The following FBN2 variants were observed in gnomAD, a reference collection of about 807,000 sequenced individuals.
FBN2 encodes the protein fibrillin 2, also known as fibrillin-2.
In FBN2, 105 loss-of-function variants were observed where a neutral mutation model predicts 355.6. The ratio of observed to expected loss-of-function variants is 0.30; its 90% CI spans 0.25 to 0.35. FBN2 has a LOEUF of 0.35. Ranked by LOEUF, FBN2 falls within the 10% of genes least tolerant of loss-of-function variation. The pLI, the probability that FBN2 is intolerant of heterozygous loss-of-function variation, is 1.00. For missense variants in FBN2, 3,280 were observed against 3,758.7 expected, an observed-to-expected ratio of 0.87 and a Z score of 3.33; for synonymous variants, 1,350 against 1,301.2, an observed-to-expected ratio of 1.04 and a Z score of -0.81.
At chr5:128,299,604 A>C (rs960073644) in intron 48 of FBN2, among the ~76,000 whole-genome samples, 2 of 151,978 alleles carry the variant, frequency 1.3e-5, no homozygotes, top group Admixed American at 6.6e-5. Flanking sequence ...GTCTGTCACC[A>C]CTTTCTTTGA....
intron 20 of FBN2, among the ~76,000 whole-genome samples, chr5:128,354,083 G>C (rs920363473): frequency 1.3e-5 from 2 of 152,108 alleles, no homozygotes; most frequent in Non-Finnish European, 2.9e-5. Flanking sequence ...AGATAGTCAG[G>C]AATTAGTTAA....
chr5:128,397,919 A>C (rs1209628255), intron 8 of FBN2, among the ~76,000 whole-genome samples: 2 of 152,144 alleles, frequency 1.3e-5, no homozygotes, highest in East Asian at 1.9e-4. Context: ...AGGGTTCCAA[A>C]GAGCCATATG....
intron 4 of FBN2, among the ~76,000 whole-genome samples, chr5:128,520,267 T>C (rs1026621077): frequency 1.1e-4 from 16 of 152,176 alleles, no homozygotes; most frequent in Non-Finnish European, 2.2e-4. Context: ...TCACACTCTC[T>C]AGAATCCTTG....
intron 7 of FBN2, among the ~76,000 whole-genome samples, chr5:128,428,228 C>T (rs1267434069): frequency 2.0e-5 from 3 of 152,144 alleles, no homozygotes; most frequent in Non-Finnish European, 4.4e-5. Flanking sequence ...TATCTTGTTA[C>T]TACCCAGCAG....
At chr5:128,300,983 GT>G in intron 47 of FBN2, 47 bp from the exon 48 acceptor site, 2 of 1,562,954 alleles carry the variant, frequency 1.3e-6, no homozygotes, top group Non-Finnish European at 8.8e-7. Flanking sequence ...TGAGATAATT[GT>G]TACATAGATT....
At position 128,333,013 on chromosome 5, in the gene FBN2, C is replaced by G; in HGVS notation, c.4121G>C (p.Gly1374Ala). Reference sequence around the variant, plus strand: ...GGCATGCATGTCGCAGTTATGAGCACCAATTTCACACTCATCCACATCTGA... The same window carrying G: ...GGCATGCATGTCGCAGTTATGAGCAGCAATTTCACACTCATCCACATCTGA... The part of the protein sequence containing the change: ...GCTDVDECEI[G>A]AHNCDMHASC... Residue 1374 changes from glycine (G) to alanine (A), a missense_variant, in exon 32 of 65, where the codon GGT becomes GCT. By Grantham distance (60) the Gly-to-Ala change is moderately conservative (BLOSUM62 0). Transcript: ENST00000262464. 1 of 1,612,704 alleles carries G rather than the reference C, an allele frequency of 6.2e-7. No individual in the cohort carries two copies. The highest frequency in any genetic ancestry group is 8.5e-7 in the Non-Finnish European group (1 of 1,178,814).
chr5:128,518,663 T>C (rs1463799515), intron 5 of FBN2, among the ~76,000 whole-genome samples: 2 of 152,118 alleles, frequency 1.3e-5, no homozygotes, highest in African/African-American at 4.8e-5. Flanking sequence ...GGAGGAGATG[T>C]TTTCTGTCTC....
chr5:128,349,586 T>C, intron 22 of FBN2, 114 bp from the exon 23 acceptor site: 1 of 1,268,982 alleles, frequency 7.9e-7, no homozygotes. Context: ...TGTGGATTAT[T>C]ACTTGAGTTA....
intron 8 of FBN2, among the ~76,000 whole-genome samples, chr5:128,399,553 T>G (rs1265789207): frequency 1.3e-5 from 2 of 152,112 alleles, no homozygotes; most frequent in Admixed American, 6.6e-5. Flanking sequence ...AGGTTTGAGA[T>G]GCAGGAAGAA....
intron 55 of FBN2, among the ~76,000 whole-genome samples, chr5:128,284,665 C>G (rs945064544): frequency 6.6e-6 from 1 of 152,198 alleles, no homozygotes; most frequent in African/African-American, 2.4e-5. Context: ...AGGCACTACA[C>G]TCGGGCTTTC....
intron 6 of FBN2, among the ~76,000 whole-genome samples, chr5:128,448,850 T>C (rs1455754296): frequency 6.6e-6 from 1 of 152,126 alleles, no homozygotes; most frequent in African/African-American, 2.4e-5. Flanking sequence ...GTCCTCTTAC[T>C]CTAAATTTAA....
chr5:128,319,662 C>T (rs1050280921), intron 34 of FBN2, among the ~76,000 whole-genome samples: 1 of 151,826 alleles, frequency 6.6e-6, no homozygotes, highest in Admixed American at 6.6e-5. Flanking sequence ...ATCCATTGAC[C>T]CCACATTCTA....
At chr5:128,387,335 T>C (rs867542895) in intron 11 of FBN2, among the ~76,000 whole-genome samples, 49 of 152,248 alleles carry the variant, frequency 3.2e-4, no homozygotes, top group African/African-American at 9.9e-4. Context: ...AGTTTGTGTT[T>C]ATTTCCGTCT....
intron 37 of FBN2, 44 bp from the exon 38 acceptor site, chr5:128,311,997 A>G: frequency 1.5e-6 from 2 of 1,339,850 alleles, no homozygotes; most frequent in Non-Finnish European, 2.1e-6. Context: ...CCTGTGTCCA[A>G]GTGGCTGAGA....
intron 18 of FBN2, among the ~76,000 whole-genome samples, chr5:128,364,269 C>A (rs575325019): frequency 5.6e-4 from 85 of 152,146 alleles, no homozygotes; most frequent in African/African-American, 1.9e-3. Context: ...TCTTGACTTA[C>A]TTTTATCCAT....
chr5:128,537,205 G>T, intron 1 of FBN2, 145 bp downstream of exon 1: 2 of 1,382,794 alleles, frequency 1.4e-6, no homozygotes, highest in South Asian at 1.4e-5. Flanking sequence ...GCTCCTGGGG[G>T]TCTTTGGATA....
At chr5:128,368,406 ATGTG>A (rs567559304) in intron 16 of FBN2, among the ~76,000 whole-genome samples, 25 of 138,800 alleles carry the variant, frequency 1.8e-4, no homozygotes, top group Non-Finnish European at 3.5e-4. Flanking sequence ...CTTCATATAT[ATGTG>A]TGTGTGTGTG....
intron 4 of FBN2, among the ~76,000 whole-genome samples, chr5:128,527,659 A>C (rs1756597220): frequency 6.6e-6 from 1 of 152,162 alleles, no homozygotes; most frequent in Non-Finnish European, 1.5e-5. Flanking sequence ...TTGACTAGTT[A>C]CTATTCAAGA....
intron 48 of FBN2, among the ~76,000 whole-genome samples, chr5:128,300,382 T>A (rs758389350): frequency 6.6e-6 from 1 of 152,266 alleles, no homozygotes; most frequent in Non-Finnish European, 1.5e-5. Flanking sequence ...TAATATTTGC[T>A]GCTTTGACAT....
Sources: allele counts gnomAD v4.1 joint callset (sites outside exome capture counted in the v4.1 genomes callset), GRCh38; gene constraint gnomAD v4.1.1; transcripts MANE v1.5; gene names NCBI Gene and HGNC (gene_info 2026-07-23, HGNC 2026-07-21).